The following MBNL1 variants were observed in gnomAD, a reference collection of about 807,000 sequenced individuals.
MBNL1 encodes the protein muscleblind like splicing regulator 1, also known as muscleblind-like protein 1.
In MBNL1, 8 loss-of-function variants were observed where a neutral mutation model predicts 42.2. The observed-to-expected ratio is 0.19, with a 90% CI of 0.11 to 0.34. MBNL1 has a LOEUF of 0.34. MBNL1 is among the 10% of genes least tolerant of loss of function. The probability of loss-of-function intolerance (pLI) is 1.00; values close to 1 mark genes in which losing one functional copy is unlikely to be tolerated. For synonymous variants in MBNL1, 169 were observed against 173.9 expected (o/e 0.97, Z 0.22); for missense variants, 309 against 495.3 (o/e 0.62, Z 3.57).
At chr3:152,412,566 T>G (rs924427714) in intron 2 of MBNL1, among the ~76,000 whole-genome samples, 4 of 152,168 alleles carry the variant, frequency 2.6e-5, no homozygotes, top group African/African-American at 7.2e-5. Context: ...AGAACAGCAT[T>G]TTTCCTGAGT....
At chr3:152,369,709 G>A (rs1217503505) in intron 2 of MBNL1, among the ~76,000 whole-genome samples, 1 of 152,008 alleles carries the variant, frequency 6.6e-6, no homozygotes, top group African/African-American at 2.4e-5. Flanking sequence ...GTCTATTCAG[G>A]GATTTGACTT....
chr3:152,286,481 A>AATATATTTTATTTATAATATAAATAT (rs1553777322), intron 1 of MBNL1, among the ~76,000 whole-genome samples: 8 of 138,160 alleles, frequency 5.8e-5, no homozygotes, highest in African/African-American at 2.1e-4. Flanking sequence ...TTATAATATA[A>AATATATTTTATTTATAATATAAATAT]ATATATTTTA....
chr3:152,410,632 G>A (rs1400423572), intron 2 of MBNL1, among the ~76,000 whole-genome samples: 1 of 152,330 alleles, frequency 6.6e-6, no homozygotes, highest in South Asian at 2.1e-4. Context: ...TGCCATTAAT[G>A]GCAAAAACCT....
intron 2 of MBNL1, among the ~76,000 whole-genome samples, chr3:152,314,794 A>G (rs2069583053): frequency 6.6e-6 from 1 of 151,912 alleles, no homozygotes; most frequent in Non-Finnish European, 1.5e-5. Context: ...AAACACCAAA[A>G]CCCCATCTCC....
chr3:152,429,384 A>G (rs3821723), intron 3 of MBNL1, among the ~76,000 whole-genome samples: 116,522 of 152,184 alleles, frequency 0.77, 45,639 homozygotes, highest in African/African-American at 0.94. Context: ...TTTTTCTCTG[A>G]TGAGGATGTT....
intron 1 of MBNL1, among the ~76,000 whole-genome samples, chr3:152,273,565 G>A (rs192813098): frequency 6.6e-6 from 1 of 151,952 alleles, no homozygotes; most frequent in African/African-American, 2.4e-5. Flanking sequence ...TACACATTTG[G>A]TTCTTTTTCT....
At chr3:152,408,389 GC>G (rs2098485215) in intron 2 of MBNL1, among the ~76,000 whole-genome samples, 1 of 151,784 alleles carries the variant, frequency 6.6e-6, no homozygotes, top group Non-Finnish European at 1.5e-5. Context: ...AAAATTTTAG[GC>G]TTTATTTTAT....
intron 2 of MBNL1, among the ~76,000 whole-genome samples, chr3:152,306,384 A>G (rs1560072130): frequency 6.6e-6 from 1 of 152,186 alleles, no homozygotes; most frequent in Non-Finnish European, 1.5e-5. Flanking sequence ...TAAGGAGCAC[A>G]TGGCTTCCAA....
intron 4 of MBNL1, among the ~76,000 whole-genome samples, chr3:152,439,431 T>G (rs1326119522): frequency 6.6e-6 from 1 of 152,178 alleles, no homozygotes; most frequent in Non-Finnish European, 1.5e-5. Context: ...GTCTTATCGG[T>G]AGGATTATTT....
intron 2 of MBNL1, among the ~76,000 whole-genome samples, chr3:152,395,223 A>G (rs1381680072): frequency 2.0e-5 from 3 of 152,194 alleles, no homozygotes; most frequent in African/African-American, 4.8e-5. Context: ...AGTAGTTTTT[A>G]TCCTGTGAGA....
intron 2 of MBNL1, among the ~76,000 whole-genome samples, chr3:152,367,184 C>G (rs1449265120): frequency 6.6e-5 from 10 of 151,724 alleles, no homozygotes; most frequent in Admixed American, 6.6e-4. Flanking sequence ...CCTAGCCCCC[C>G]ACCCCCTGAC....
chr3:152,417,114 G>C (rs1285278575), intron 3 of MBNL1, among the ~76,000 whole-genome samples: 1 of 152,066 alleles, frequency 6.6e-6, no homozygotes, highest in Non-Finnish European at 1.5e-5. Context: ...AAGGCATTTG[G>C]GACTTTAATG....
chr3:152,307,106 C>A (rs1245760469), intron 2 of MBNL1, among the ~76,000 whole-genome samples: 1 of 152,208 alleles, frequency 6.6e-6, no homozygotes, highest in African/African-American at 2.4e-5. Flanking sequence ...TCTCCTGCCT[C>A]AACCTCCCGA....
chr3:152,285,165 A>T (rs2050825076), intron 1 of MBNL1, among the ~76,000 whole-genome samples: 1 of 152,188 alleles, frequency 6.6e-6, no homozygotes, highest in Admixed American at 6.5e-5. Context: ...ACTCTGAGCT[A>T]ACCACAAGCA....
intron 2 of MBNL1, among the ~76,000 whole-genome samples, chr3:152,337,796 G>A (rs73154170): frequency 0.034 from 5,149 of 151,094 alleles, 116 homozygotes; most frequent in Non-Finnish European, 0.051. Flanking sequence ...AATTTCTTCC[G>A]TCTGCCTCAT....
chr3:152,326,816 T>TATTTATTTATTG (rs1384879355), intron 2 of MBNL1, among the ~76,000 whole-genome samples: 1 of 150,938 alleles, frequency 6.6e-6, no homozygotes, highest in African/African-American at 2.4e-5. Context: ...TTTATTTATT[T>TATTTATTTATTG]ATTGAGACAG....
chr3:152,371,512 G>A (rs532812683), intron 2 of MBNL1, among the ~76,000 whole-genome samples: 6 of 152,232 alleles, frequency 3.9e-5, no homozygotes, highest in African/African-American at 7.2e-5. Flanking sequence ...CAGGAGAATC[G>A]CTTGAACCCA....
At chr3:152,384,980 A>G (rs2153432373) in intron 2 of MBNL1, among the ~76,000 whole-genome samples, 1 of 152,218 alleles carries the variant, frequency 6.6e-6, no homozygotes, top group East Asian at 1.9e-4. Flanking sequence ...CATGAAAAGC[A>G]GGTCAAATAG....
intron 2 of MBNL1, among the ~76,000 whole-genome samples, chr3:152,382,993 G>T (rs1019190955): frequency 6.6e-6 from 1 of 152,070 alleles, no homozygotes; most frequent in African/African-American, 2.4e-5. Context: ...GAGAAAGGAA[G>T]ACCTGCCTGA....
Sources: gnomAD v4.1 joint callset for allele counts (sites outside exome capture counted in the v4.1 genomes callset) on GRCh38, gnomAD v4.1.1 for gene constraint, MANE v1.5 for transcripts, NCBI Gene and HGNC (gene_info 2026-07-23, HGNC 2026-07-21) for gene names.